The following FARS2 variants were observed in gnomAD, a reference collection of about 807,000 sequenced individuals.
The protein encoded by FARS2 is phenylalanine--tRNA ligase, mitochondrial.
FARS2 carries 40 observed loss-of-function variants against 46.4 expected under a neutral mutation model. The ratio of observed to expected loss-of-function variants is 0.86; its 90% CI spans 0.67 to 1.12. The LOEUF (loss-of-function observed/expected upper bound fraction) is 1.12, where lower values mean the gene tolerates loss of function less well. Among genes scored for constraint, FARS2 ranks in the 50% most tolerant of loss-of-function variants. The pLI, the probability that FARS2 is intolerant of heterozygous loss-of-function variation, is 0.00. For synonymous variants in FARS2, 234 were observed against 214.9 expected (o/e 1.09, Z -0.78); for missense variants, 513 against 567.9 (o/e 0.90, Z 0.98).
chr6:5,710,501 C>G (rs763965347), intron 6 of FARS2, among the ~76,000 whole-genome samples: 9 of 152,212 alleles, frequency 5.9e-5, no homozygotes, highest in African/African-American at 2.2e-4. Context: ...TAGTCCAGGA[C>G]GGTGGTCGCT....
intron 6 of FARS2, among the ~76,000 whole-genome samples, chr6:5,625,368 G>T (rs544545727): frequency 7.2e-4 from 110 of 152,302 alleles, no homozygotes; most frequent in Non-Finnish European, 1.4e-3. Context: ...TGACACAGGG[G>T]TGCAGGCTGA....
chr6:5,466,243 A>G (rs145558251), intron 4 of FARS2, among the ~76,000 whole-genome samples: 2 of 152,286 alleles, frequency 1.3e-5, no homozygotes, highest in East Asian at 3.9e-4. Flanking sequence ...CTCATCTGCA[A>G]AGTCTTCACA....
chr6:5,629,454 T>C (rs1776189952), intron 6 of FARS2, among the ~76,000 whole-genome samples: 1 of 151,712 alleles, frequency 6.6e-6, no homozygotes, highest in African/African-American at 2.4e-5. Flanking sequence ...ATGTCTGTCT[T>C]TGTACATGTT....
chr6:5,332,718 A>G (rs1447825120), intron 1 of FARS2, among the ~76,000 whole-genome samples: 2 of 152,218 alleles, frequency 1.3e-5, no homozygotes, highest in East Asian at 3.8e-4. Context: ...AACAAGGGCA[A>G]TGTTATGTGG....
At chr6:5,769,189 TG>T (rs527421206) in intron 6 of FARS2, among the ~76,000 whole-genome samples, 51 of 152,318 alleles carry the variant, frequency 3.3e-4, no homozygotes, top group African/African-American at 1.2e-3. Flanking sequence ...TTCATTCTTT[TG>T]CATGTGGATA....
At chr6:5,274,804 G>A (rs926221407) in intron 1 of FARS2, among the ~76,000 whole-genome samples, 5 of 152,076 alleles carry the variant, frequency 3.3e-5, no homozygotes, top group East Asian at 3.9e-4. Flanking sequence ...TCCAACTTCC[G>A]GGCTCAAGCA....
chr6:5,608,079 G>A (rs55790549), intron 5 of FARS2, among the ~76,000 whole-genome samples: 11 of 151,278 alleles, frequency 7.3e-5, no homozygotes, highest in Non-Finnish European at 1.3e-4. Flanking sequence ...CATTGATGTC[G>A]GAAAACGTAG....
intron 3 of FARS2, among the ~76,000 whole-genome samples, chr6:5,406,382 C>T (rs926333691): frequency 1.3e-5 from 2 of 152,160 alleles, no homozygotes; most frequent in African/African-American, 2.4e-5. Context: ...AATACATGAA[C>T]ATCTTCATTG....
At chr6:5,353,827 C>T (rs1440392464) in intron 1 of FARS2, among the ~76,000 whole-genome samples, 1 of 106,994 alleles carries the variant, frequency 9.3e-6, no homozygotes, top group Non-Finnish European at 1.8e-5. Flanking sequence ...ACATTTTTTT[C>T]TCATGCTGTA....
At chr6:5,433,747 C>G (rs551857594) in intron 4 of FARS2, among the ~76,000 whole-genome samples, 2 of 152,328 alleles carry the variant, frequency 1.3e-5, no homozygotes, top group Non-Finnish European at 2.9e-5. Context: ...ACTAGGCTTC[C>G]TCCCAGGAGT....
intron 4 of FARS2, among the ~76,000 whole-genome samples, chr6:5,542,677 T>C (rs191377680): frequency 5.3e-5 from 8 of 152,344 alleles, no homozygotes; most frequent in Admixed American, 1.3e-4. Context: ...TTGAGAAATA[T>C]TGGTTTATTG....
Position 5,261,648 on chromosome 6 carries a change from G to C in FARS2, c.-34G>C, listed in dbSNP as rs1031894309. 6.6e-6 allele frequency: 1 copy of C among 152,446 alleles called. No individual in the cohort carries two copies. Among genetic ancestry groups the C allele is most frequent in the Admixed American group, 6.5e-5 (1 of 15,286 alleles). 9.4% of individuals were successfully genotyped at this position (152,446 alleles called of 1,614,324 possible). A position where few individuals can be genotyped will look rare whatever the true frequency, so the allele number is the denominator to read the frequency against. Reference sequence around the variant, plus strand: ...TGAAACACCTGGGTCTGGGCTTCCCGGGCGAGCGGTGGGTGAGTGCCGGCC... The same window carrying C: ...TGAAACACCTGGGTCTGGGCTTCCCCGGCGAGCGGTGGGTGAGTGCCGGCC... On this transcript the variant is annotated 5_prime_UTR_variant, in exon 1 of 7. Coordinates refer to ENST00000274680, the MANE Select transcript of FARS2 (RefSeq NM_006567.5).
chr6:5,440,510 G>A (rs1231441522), intron 4 of FARS2, among the ~76,000 whole-genome samples: 1 of 152,106 alleles, frequency 6.6e-6, no homozygotes, highest in Non-Finnish European at 1.5e-5. Flanking sequence ...TTATAAAAGT[G>A]GAATTACTGG....
chr6:5,640,435 T>G (rs1472099838), intron 6 of FARS2, among the ~76,000 whole-genome samples: 1 of 152,192 alleles, frequency 6.6e-6, no homozygotes, highest in Non-Finnish European at 1.5e-5. Flanking sequence ...CAGCCCGAGC[T>G]TCCCCCGAGT....
chr6:5,459,954 A>G (rs957555250), intron 4 of FARS2, among the ~76,000 whole-genome samples: 2 of 147,122 alleles, frequency 1.4e-5, no homozygotes, highest in African/African-American at 5.2e-5. Flanking sequence ...AAATATGAGG[A>G]CTTAGCCATG....
At chr6:5,486,530 C>CTCAGAA (rs1561655532) in intron 4 of FARS2, among the ~76,000 whole-genome samples, 1 of 152,138 alleles carries the variant, frequency 6.6e-6, no homozygotes, top group Non-Finnish European at 1.5e-5. Context: ...AAGTCTCCAC[C>CTCAGAA]GTCAGAACTT....
At position 5,340,355 on chromosome 6, in the gene FARS2, G is replaced by A. The variant is rs779626417; in HGVS notation, c.-21-28195G>A. Among the ~76,000 whole-genome samples, 104 of 152,158 alleles carry A rather than the reference G, an allele frequency of 6.8e-4. 1 individual carries two copies. The highest frequency in any genetic ancestry group is 2.2e-3 in the Admixed American group (33 of 15,266). Reference sequence around the variant, plus strand: ...TGCGTATACCCTAGAAATAGCTCAAGTTTATTGATTATTTATTAGGTCAAG... The same window carrying A: ...TGCGTATACCCTAGAAATAGCTCAAATTTATTGATTATTTATTAGGTCAAG... On this transcript the variant is annotated intron_variant, in intron 1 of 6. Transcript: ENST00000274680.
At chr6:5,328,012 G>GT (rs1770520529) in intron 1 of FARS2, among the ~76,000 whole-genome samples, 1 of 152,144 alleles carries the variant, frequency 6.6e-6, no homozygotes, top group East Asian at 1.9e-4. Flanking sequence ...CCCTTCATAG[G>GT]TTTTTTGGAG....
intron 6 of FARS2, among the ~76,000 whole-genome samples, chr6:5,732,504 C>T (rs1205305210): frequency 2.0e-5 from 3 of 152,224 alleles, no homozygotes; most frequent in Non-Finnish European, 4.4e-5. Flanking sequence ...TGTCAGACCA[C>T]ACAGATTGTG....
Sources: allele counts gnomAD v4.1 joint callset (sites outside exome capture counted in the v4.1 genomes callset), GRCh38; gene constraint gnomAD v4.1.1; transcripts MANE v1.5; gene names NCBI Gene and HGNC (gene_info 2026-07-23, HGNC 2026-07-21).